LDLRAD4: variants seen among roughly 807,000 people sequenced by gnomAD.
LDLRAD4 encodes low density lipoprotein receptor class A domain containing 4, also known as low-density lipoprotein receptor class A domain-containing protein 4.
A neutral mutation model predicts 17.0 loss-of-function variants in LDLRAD4; 5 were observed. That is an observed-to-expected ratio of 0.29 (90% CI 0.15 to 0.62). The LOEUF is 0.62. Ranked by LOEUF, LDLRAD4 falls within the 20% of genes least tolerant of loss-of-function variation. LDLRAD4 has a pLI of 0.84. For synonymous variants in LDLRAD4, 168 were observed against 171.8 expected (o/e 0.98, Z 0.17); for missense variants, 340 against 424.7 (o/e 0.80, Z 1.75).
At chr18:13,265,919 C>A (rs1393524987) in intron 1 of LDLRAD4, among the ~76,000 whole-genome samples, 1 of 152,162 alleles carries the variant, frequency 6.6e-6, no homozygotes, top group Non-Finnish European at 1.5e-5. Context: ...TCTCCTCCCA[C>A]CCCTGAGCAC....
intron 3 of LDLRAD4, among the ~76,000 whole-genome samples, chr18:13,548,309 C>T (rs1469875412): frequency 1.3e-5 from 2 of 152,182 alleles, no homozygotes; most frequent in African/African-American, 2.4e-5. Flanking sequence ...GGGACCTGCC[C>T]CTTTCCACCC....
intron 3 of LDLRAD4, chr18:13,515,462 A>G (rs369669265): frequency 1.4e-4 from 21 of 152,154 alleles, no homozygotes; most frequent in African/African-American, 5.1e-4. Flanking sequence ...CTTAAAAAAC[A>G]AAAACTAAAA....
intron 1 of LDLRAD4, among the ~76,000 whole-genome samples, chr18:13,302,883 G>C (rs1298902797): frequency 6.6e-5 from 10 of 152,188 alleles, no homozygotes; most frequent in Non-Finnish European, 1.3e-4. Context: ...TATGTTACAT[G>C]CAGTGCAGTT....
intron 3 of LDLRAD4, among the ~76,000 whole-genome samples, chr18:13,572,030 C>A (rs1184923363): frequency 6.6e-6 from 1 of 152,018 alleles, no homozygotes; most frequent in Non-Finnish European, 1.5e-5. Flanking sequence ...TACAGTAAGT[C>A]CCCCCCTTAA....
chr18:13,474,175 C>G (rs1319422933), intron 3 of LDLRAD4, among the ~76,000 whole-genome samples: 1 of 152,156 alleles, frequency 6.6e-6, no homozygotes, highest in African/African-American at 2.4e-5. Flanking sequence ...GCAGAAGCCA[C>G]TATGCTTCCT....
chr18:13,381,075 A>G (rs1268460785), intron 1 of LDLRAD4, among the ~76,000 whole-genome samples: 7 of 72,482 alleles, frequency 9.7e-5, no homozygotes, highest in Non-Finnish European at 2.0e-4. Flanking sequence ...GTTTCTCTTT[A>G]GTTTTTTTTT....
intron 2 of LDLRAD4, chr18:13,420,323 T>C (rs1358938213): frequency 2.0e-5 from 3 of 151,844 alleles, no homozygotes; most frequent in African/African-American, 7.3e-5. Context: ...AAACACTACA[T>C]TGATGCTGTT....
chr18:13,377,752 G>A (rs1485788732), intron 1 of LDLRAD4, among the ~76,000 whole-genome samples: 2 of 152,106 alleles, frequency 1.3e-5, no homozygotes, highest in Non-Finnish European at 1.5e-5. Context: ...AGAGCTTCGC[G>A]AGCGTGACCC....
chr18:13,574,531 C>T (rs528700378), intron 3 of LDLRAD4, among the ~76,000 whole-genome samples: 4 of 152,312 alleles, frequency 2.6e-5, no homozygotes, highest in South Asian at 4.1e-4. Context: ...CCAGAAGCCT[C>T]GATGTGCGGC....
intron 1 of LDLRAD4, among the ~76,000 whole-genome samples, chr18:13,278,718 A>G (rs1425123449): frequency 6.6e-6 from 1 of 152,066 alleles, no homozygotes; most frequent in Non-Finnish European, 1.5e-5. Context: ...CTTATGGGAA[A>G]TCCCTTTCTA....
At chr18:13,374,284 G>A (rs1188932704) in intron 1 of LDLRAD4, among the ~76,000 whole-genome samples, 2 of 152,204 alleles carry the variant, frequency 1.3e-5, no homozygotes, top group Non-Finnish European at 2.9e-5. Context: ...ACCCCACACA[G>A]TCTCCTGTGG....
At chr18:13,252,092 A>T (rs1374868325) in intron 1 of LDLRAD4, among the ~76,000 whole-genome samples, 1 of 152,082 alleles carries the variant, frequency 6.6e-6, no homozygotes, top group Non-Finnish European at 1.5e-5. Flanking sequence ...TTGTATTAGA[A>T]TATATCTCTT....
chr18:13,467,156 A>T (rs986601280), intron 3 of LDLRAD4, among the ~76,000 whole-genome samples: 1 of 152,232 alleles, frequency 6.6e-6, no homozygotes, highest in Non-Finnish European at 1.5e-5. Flanking sequence ...GAGCAACTAG[A>T]CAAGAAAAAG....
intron 3 of LDLRAD4, among the ~76,000 whole-genome samples, chr18:13,450,981 C>G (rs1402219539): frequency 6.6e-6 from 1 of 152,136 alleles, no homozygotes; most frequent in Non-Finnish European, 1.5e-5. Context: ...CATTCTCTTT[C>G]ATGAAGGAAG....
At chr18:13,394,093 G>A (rs964020982) in intron 2 of LDLRAD4, among the ~76,000 whole-genome samples, 2 of 152,216 alleles carry the variant, frequency 1.3e-5, no homozygotes, top group African/African-American at 4.8e-5. Context: ...AGTTAAGTTT[G>A]CTGAGAGAGC....
At chr18:13,640,140 A>G (rs2042406693) in intron 4 of LDLRAD4, among the ~76,000 whole-genome samples, 1 of 152,014 alleles carries the variant, frequency 6.6e-6, no homozygotes, top group African/African-American at 2.4e-5. Flanking sequence ...CAAAAAAAAC[A>G]AAATTAGCTG....
chr18:13,548,031 T>G (rs1202597602), intron 3 of LDLRAD4, among the ~76,000 whole-genome samples: 1 of 152,180 alleles, frequency 6.6e-6, no homozygotes, highest in Non-Finnish European at 1.5e-5. Context: ...GACAGTATAG[T>G]TCTCATGAGT....
intron 3 of LDLRAD4, among the ~76,000 whole-genome samples, chr18:13,610,738 G>A (rs2039471853): frequency 6.6e-6 from 1 of 152,186 alleles, no homozygotes; most frequent in Admixed American, 6.5e-5. Context: ...CCAGGGACAA[G>A]GGGCGCTGGT....
intron 1 of LDLRAD4, among the ~76,000 whole-genome samples, chr18:13,245,168 G>A (rs569950197): frequency 1.1e-4 from 16 of 152,210 alleles, no homozygotes; most frequent in East Asian, 3.9e-4. Context: ...TGTGGAGCTC[G>A]TGGGCAGGAG....
Sources: gnomAD v4.1 joint callset for allele counts (sites outside exome capture counted in the v4.1 genomes callset) on GRCh38, gnomAD v4.1.1 for gene constraint, MANE v1.5 for transcripts, NCBI Gene and HGNC (gene_info 2026-07-23, HGNC 2026-07-21) for gene names.